CPLANE1: variants seen among roughly 807,000 people sequenced by gnomAD.
CPLANE1 encodes ciliogenesis and planar polarity effector complex subunit 1, also known as ciliogenesis and planar polarity effector 1.
In CPLANE1, 263 loss-of-function variants were observed where a neutral mutation model predicts 362.5. The observed-to-expected ratio is 0.73, with a 90% CI of 0.66 to 0.80. The LOEUF (loss-of-function observed/expected upper bound fraction) is 0.80. Ranked by LOEUF, CPLANE1 falls within the 30% of genes least tolerant of loss-of-function variation. The pLI is 0.00. For missense variants in CPLANE1, 3,461 were observed against 3,793.4 expected (o/e 0.91, Z 2.30); for synonymous variants, 1,212 against 1,302.6 (o/e 0.93, Z 1.50).
rs1275537957 is a variant in CPLANE1 at position 37,239,607 on chromosome 5, A to AG, written c.834+105dup. The AG allele has an allele frequency of 7.6e-4, 614 of 803,236 alleles. 4 individuals carry two copies. The African/African-American group carries it at 0.011, about 14-fold the overall frequency. The allele number at this position is 803,236 out of a possible 1,614,324, so 49.8% of individuals were successfully genotyped here. A position where few individuals can be genotyped will look rare whatever the true frequency, so the allele number is the denominator to read the frequency against. On this transcript the variant is annotated intron_variant, in intron 7 of 52. Coordinates refer to ENST00000651892, the MANE Select transcript of CPLANE1 (RefSeq NM_001384732.1). Reference sequence around the variant, plus strand: ...AAAAAAAAAAAAAAAAAAACCAGAAAGAAAAAAAAAATGGATATAAAGGAG... The same window carrying AG: ...AAAAAAAAAAAAAAAAAAACCAGAAAGGAAAAAAAAAATGGATATAAAGGAG...
the CPLANE1 span, among the ~76,000 whole-genome samples, chr5:37,083,977 A>T: frequency 1.3e-5 from 2 of 152,236 alleles, no homozygotes; most frequent in African/African-American, 2.4e-5. Flanking sequence ...GCACCCTGCC[A>T]TCAGGTTATC....
At chr5:37,176,710 AAACT>A (rs1781248536) in intron 30 of CPLANE1, among the ~76,000 whole-genome samples, 1 of 152,058 alleles carries the variant, frequency 6.6e-6, no homozygotes, top group Non-Finnish European at 1.5e-5. Context: ...GTCCACAGAA[AAACT>A]AACAAAATTT....
At chr5:37,160,571 A>G (rs914942339) in intron 38 of CPLANE1, among the ~76,000 whole-genome samples, 1 of 152,112 alleles carries the variant, frequency 6.6e-6, no homozygotes, top group Non-Finnish European at 1.5e-5. Flanking sequence ...CATCTCAAAA[A>G]AAAAAAAAAT....
intron 29 of CPLANE1, among the ~76,000 whole-genome samples, chr5:37,179,049 C>T (rs1781994514): frequency 6.6e-6 from 1 of 152,194 alleles, no homozygotes; most frequent in Non-Finnish European, 1.5e-5. Context: ...GCATCAGTTG[C>T]CATGCTTGGC....
intron 5 of CPLANE1, among the ~76,000 whole-genome samples, chr5:37,243,657 A>G (rs1402393604): frequency 6.8e-6 from 1 of 147,446 alleles, no homozygotes; most frequent in Non-Finnish European, 1.5e-5. Flanking sequence ...CTCTCTATAT[A>G]TAATATATAA....
chr5:37,144,812 C>G (rs1394443760), intron 43 of CPLANE1, among the ~76,000 whole-genome samples: 2 of 148,480 alleles, frequency 1.3e-5, no homozygotes, highest in Non-Finnish European at 3.0e-5. Context: ...GATAGCACCA[C>G]TGCACTCCAG....
intron 38 of CPLANE1, among the ~76,000 whole-genome samples, chr5:37,159,048 T>C (rs1776055897): frequency 6.8e-6 from 1 of 148,138 alleles, no homozygotes; most frequent in African/African-American, 2.5e-5. Context: ...CCTCCCAAAG[T>C]GCTGGGATTA....
At chr5:37,153,393 C>T (rs914744767) in intron 42 of CPLANE1, among the ~76,000 whole-genome samples, 3 of 152,110 alleles carry the variant, frequency 2.0e-5, no homozygotes, top group African/African-American at 4.8e-5. Flanking sequence ...CATGGGTTTA[C>T]TTCTTAAAAG....
chr5:37,177,622 C>T lies in CPLANE1; in HGVS notation c.5899G>A (p.Gly1967Ser), dbSNP rs538462107. 23 of 1,612,346 alleles carry T rather than the reference C, an allele frequency of 1.4e-5. No homozygotes were observed. Among genetic ancestry groups the T allele is most frequent in the Middle Eastern group, 3.3e-4 (2 of 6,048 alleles). ...CTGTCATACTTTTTTCCCCCTTACC[C>T]TTTTTGTTCAGTCGATTTTTCCTCC... ...IMEEKSTEQK[G>S]MIEAFSHPGH... The change falls in exon 30 of 53, where the codon GGT (glycine) becomes AGT (serine). Residue 1967 changes from glycine to serine, a missense_variant and splice_region_variant. Gly to Ser is a moderately conservative substitution (Grantham distance 56, BLOSUM62 0). This residue lies in a region of CPLANE1 where 3,380 missense variants were observed against 3,666.1 expected (regional missense o/e 0.92). Transcript: ENST00000651892.
intron 51 of CPLANE1, among the ~76,000 whole-genome samples, chr5:37,111,009 G>A (rs557892472): frequency 2.0e-5 from 3 of 151,332 alleles, no homozygotes; most frequent in South Asian, 2.1e-4. Context: ...GGGTTTCACC[G>A]TGTTAGCCAG....
chr5:37,177,715 A>ACCT lies in CPLANE1; in HGVS notation c.5821-16_5821-15insAGG. On this transcript the variant is annotated splice_polypyrimidine_tract_variant and intron_variant, in intron 29 of 52. Transcript: ENST00000651892. ...TCTGTGAACTCCTGTTAAAATGAATAGTACCCAAAAAGAAAACAGGTAAAA... is the reference window on the plus strand; with the variant it reads ...TCTGTGAACTCCTGTTAAAATGAATACCTGTACCCAAAAAGAAAACAGGTAAAA... 1 of 1,599,568 alleles carries ACCT rather than the reference A, an allele frequency of 6.3e-7. No homozygotes were observed. Among genetic ancestry groups the ACCT allele is most frequent in the Non-Finnish European group, 8.6e-7 (1 of 1,168,668 alleles).
chr5:37,075,888 G>GTGT, the CPLANE1 span, among the ~76,000 whole-genome samples: 4 of 152,122 alleles, frequency 2.6e-5, no homozygotes, highest in Admixed American at 1.3e-4. Context: ...CAAGCCTCAA[G>GTGT]TGTTGGGAAA....
rs1287943647 is a variant in CPLANE1, at chr5:37,163,109, T to C, written c.7589-543A>G. 3.9e-5 allele frequency among the ~76,000 whole-genome samples: 6 copies of C among 152,200 alleles called. No individual in the cohort carries two copies. In the East Asian group the frequency reaches 1.2e-3, roughly 29 times the overall value. ...TAGATATTCTTCTGGCTAATGAAGATCCAGTAGAAGCTGTTAAGCAGAGAA... is the reference window on the plus strand; with the variant it reads ...TAGATATTCTTCTGGCTAATGAAGACCCAGTAGAAGCTGTTAAGCAGAGAA... On this transcript the variant is annotated intron_variant, in intron 37 of 52. Coordinates refer to ENST00000651892, the MANE Select transcript of CPLANE1 (RefSeq NM_001384732.1).
intron 35 of CPLANE1, among the ~76,000 whole-genome samples, 168 bp downstream of exon 35, chr5:37,166,879 G>A (rs1332808226): frequency 2.6e-5 from 4 of 152,114 alleles, no homozygotes; most frequent in African/African-American, 9.7e-5. Context: ...TCGCAAAATA[G>A]GAATTTTTCT....
At chr5:37,227,149 AAT>A in intron 11 of CPLANE1, 76 bp from the exon 12 acceptor site, 1 of 1,504,372 alleles carries the variant, frequency 6.6e-7, no homozygotes. Flanking sequence ...GGCGTTCTTA[AAT>A]TTCTCTTCCC....
chr5:37,110,537 A>G (rs574340349), intron 51 of CPLANE1, among the ~76,000 whole-genome samples: 4 of 152,184 alleles, frequency 2.6e-5, no homozygotes, highest in African/African-American at 9.6e-5. Flanking sequence ...GAGACCTTTA[A>G]CCACCCTTGC....
chr5:37,085,401 G>A, the CPLANE1 span: 15 of 1,171,198 alleles, frequency 1.3e-5, no homozygotes, highest in East Asian at 7.0e-5. Context: ...TATTACACCC[G>A]AGGAGGCTAA....
chr5:37,077,302 T>A, the CPLANE1 span, among the ~76,000 whole-genome samples: 11 of 152,266 alleles, frequency 7.2e-5, no homozygotes, highest in Admixed American at 4.6e-4. Context: ...AAAGCTGGTA[T>A]GCCCCTTTTT....
intron 32 of CPLANE1, among the ~76,000 whole-genome samples, chr5:37,172,255 T>C (rs1780008245): frequency 6.6e-6 from 1 of 152,164 alleles, no homozygotes; most frequent in African/African-American, 2.4e-5. Flanking sequence ...GAAAGTGTCC[T>C]AGAATATAGA....
Sources: gnomAD v4.1 joint callset for allele counts (sites outside exome capture counted in the v4.1 genomes callset) on GRCh38, gnomAD v4.1.1 for gene constraint, gnomAD v4.1.1 regional missense constraint, MANE v1.5 for transcripts, NCBI Gene and HGNC (gene_info 2026-07-23, HGNC 2026-07-21) for gene names.